SMURF2: variants seen among roughly 807,000 people sequenced by gnomAD.
The protein encoded by SMURF2 is SMAD specific E3 ubiquitin protein ligase 2, also known as E3 ubiquitin-protein ligase SMURF2.
SMURF2 carries 48 observed loss-of-function variants against 109.6 expected under a neutral mutation model. The ratio of observed to expected loss-of-function variants is 0.44; its 90% confidence interval spans 0.35 to 0.56. The LOEUF is 0.56. SMURF2 is among the 20% of genes least tolerant of loss of function. SMURF2 has a pLI of 0.01. For synonymous variants in SMURF2, 288 were observed against 317.1 expected, an observed-to-expected ratio of 0.91 and a Z score of 0.97; for missense variants, 575 against 909.0, an observed-to-expected ratio of 0.63 and a Z score of 4.72.
At chr17:64,602,230 T>C (rs1969908476) in intron 2 of SMURF2, among the ~76,000 whole-genome samples, 1 of 152,044 alleles carries the variant, frequency 6.6e-6, no homozygotes, top group South Asian at 2.1e-4. Context: ...CAGTGTACAC[T>C]GCTTGGGTGA....
intron 1 of SMURF2, among the ~76,000 whole-genome samples, chr17:64,624,468 G>C (rs766962781): frequency 6.7e-6 from 1 of 149,164 alleles, no homozygotes; most frequent in African/African-American, 2.5e-5. Flanking sequence ...CAAGTAGCTG[G>C]GATTACAGGC....
At chr17:64,655,571 C>A (rs1181418060) in intron 1 of SMURF2, among the ~76,000 whole-genome samples, 1 of 151,610 alleles carries the variant, frequency 6.6e-6, no homozygotes, top group Admixed American at 6.6e-5. Context: ...AATGAAACTT[C>A]TTATTAAACT....
intron 1 of SMURF2, among the ~76,000 whole-genome samples, chr17:64,631,259 TGGGGGGGAGAGAGGGG>T (rs1970335829): frequency 3.9e-5 from 1 of 25,974 alleles, no homozygotes; most frequent in Non-Finnish European, 5.8e-5. Flanking sequence ...GGAATGGAGG[TGGGGGGGAGAGAGGGG>T]GGGGGGGAGA....
chr17:64,618,246 A>G (rs1434437175), intron 1 of SMURF2, among the ~76,000 whole-genome samples: 2 of 152,218 alleles, frequency 1.3e-5, no homozygotes, highest in Non-Finnish European at 2.9e-5. Context: ...CAGCCTGGGC[A>G]ATATAGTGAG....
intron 1 of SMURF2, among the ~76,000 whole-genome samples, chr17:64,617,066 A>T (rs555264789): frequency 0.01 from 702 of 67,230 alleles, 7 homozygotes; most frequent in African/African-American, 0.098. Flanking sequence ...GACCTTGTCT[A>T]AAAAAAAAAA....
chr17:64,579,928 G>GT lies in SMURF2; in HGVS notation c.772+860dup, dbSNP rs1555686410. Among the ~76,000 whole-genome samples the GT allele has an allele frequency of 5.9e-5, 9 of 152,268 alleles. No homozygotes were observed. The South Asian group carries it at 1.0e-3, about 18-fold the overall frequency. On this transcript the variant is annotated intron_variant, in intron 8 of 18. Coordinates refer to ENST00000262435, the MANE Select transcript of SMURF2 (RefSeq NM_022739.4). The stretch of plus-strand genomic sequence containing the variant: ...GAGTCATAGCACAGTTAATGGACAA[G>GT]TTTTTTCAAATTAAAGAGCTAAAAT...
chr17:64,600,435 G>A lies in SMURF2; in HGVS notation c.92-1945C>T, dbSNP rs8073193. Reference sequence around the variant, plus strand: ...GCTGAAAATACTAGAACAAAACAGCGTTAAGTGTTGGTGACTGGAGAAATT... The same window carrying A: ...GCTGAAAATACTAGAACAAAACAGCATTAAGTGTTGGTGACTGGAGAAATT... On this transcript the variant is annotated intron_variant, in intron 2 of 18. Coordinates refer to ENST00000262435, the MANE Select transcript of SMURF2 (RefSeq NM_022739.4). Among the ~76,000 whole-genome samples, 448 of 152,250 alleles carry A rather than the reference G, an allele frequency of 2.9e-3. 1 individual carries two copies. Among genetic ancestry groups the A allele is most frequent in the African/African-American group, 0.01 (423 of 41,560 alleles).
chr17:64,592,400 C>G (rs1969762865), intron 4 of SMURF2, among the ~76,000 whole-genome samples: 1 of 152,180 alleles, frequency 6.6e-6, no homozygotes, highest in Non-Finnish European at 1.5e-5. Context: ...CCCAGAAATA[C>G]AAGAATTTCT....
rs1368469952 is a variant in SMURF2, at chr17:64,662,107, A to G, written c.-227T>C. 23 of 1,037,716 alleles carry G rather than the reference A, an allele frequency of 2.2e-5. No homozygotes were observed. The highest frequency in any genetic ancestry group is 2.3e-5 in the Non-Finnish European group (20 of 865,566). 64.3% of individuals were successfully genotyped at this position (1,037,716 alleles called of 1,614,324 possible). A position where few individuals can be genotyped will look rare whatever the true frequency, so the allele number is the denominator to read the frequency against. On this transcript the variant is annotated 5_prime_UTR_variant, in exon 1 of 19. Coordinates refer to ENST00000262435, the MANE Select transcript of SMURF2 (RefSeq NM_022739.4). ...CTCCTTCCTCGGCCCGGGCCGCACAACAAAGCGGCAGCCGCGGCCGCCCGC... is the reference window on the plus strand; with the variant it reads ...CTCCTTCCTCGGCCCGGGCCGCACAGCAAAGCGGCAGCCGCGGCCGCCCGC...
At chr17:64,571,513 C>T (rs1470212470) in intron 10 of SMURF2, among the ~76,000 whole-genome samples, 1 of 151,730 alleles carries the variant, frequency 6.6e-6, no homozygotes, top group Non-Finnish European at 1.5e-5. Context: ...TCAGGCGATT[C>T]TCCTGCCTCA....
At chr17:64,582,841 C>T (rs574268874) in intron 7 of SMURF2, among the ~76,000 whole-genome samples, 3 of 152,094 alleles carry the variant, frequency 2.0e-5, no homozygotes, top group East Asian at 3.9e-4. Flanking sequence ...TCAAGTGATC[C>T]GCCCACCTTG....
At chr17:64,555,398 T>C (rs1401259747) in intron 14 of SMURF2, among the ~76,000 whole-genome samples, 3 of 152,210 alleles carry the variant, frequency 2.0e-5, no homozygotes, top group Non-Finnish European at 4.4e-5. Context: ...CACAAAATAA[T>C]GACCTCTTGC....
rs1184049308 is a variant in SMURF2, at chr17:64,547,055, A to G, written c.2071+545T>C. Among the ~76,000 whole-genome samples the G allele has an allele frequency of 1.3e-5, 2 of 152,242 alleles. No individual in the cohort carries two copies. The highest frequency in any genetic ancestry group is 1.5e-5 in the Non-Finnish European group (1 of 68,038). ...CAGTGAAGCACCACAATCATTAGCA[A>G]TATTACCAGCTCCTCCCAAAATTAA... On this transcript the variant is annotated intron_variant, in intron 17 of 18. Transcript: ENST00000262435. The surrounding 1 kb of genome is among the most constrained non-coding windows in gnomAD (Gnocchi z 4.2).
At chr17:64,634,075 A>C (rs1970383110) in intron 1 of SMURF2, among the ~76,000 whole-genome samples, 1 of 152,072 alleles carries the variant, frequency 6.6e-6, no homozygotes, top group Non-Finnish European at 1.5e-5. Flanking sequence ...AATAGCTTGA[A>C]CCCAGAAGCT....
chr17:64,622,964 T>C (rs781900105), intron 1 of SMURF2, among the ~76,000 whole-genome samples: 1 of 152,244 alleles, frequency 6.6e-6, no homozygotes, highest in Non-Finnish European at 1.5e-5. Context: ...TTTTGTACTT[T>C]GGGTTATAAT....
chr17:64,654,036 C>T (rs546823321), intron 1 of SMURF2, among the ~76,000 whole-genome samples: 1 of 151,888 alleles, frequency 6.6e-6, no homozygotes, highest in African/African-American at 2.4e-5. Flanking sequence ...TTATAGTGAC[C>T]GAAAACAGAT....
intron 1 of SMURF2, among the ~76,000 whole-genome samples, chr17:64,661,021 G>A (rs940936947): frequency 5.3e-5 from 8 of 152,072 alleles, no homozygotes; most frequent in Non-Finnish European, 1.0e-4. Context: ...GGAGGGTGGG[G>A]AGAGTAACAG....
intron 1 of SMURF2, among the ~76,000 whole-genome samples, chr17:64,617,561 G>A (rs1970143265): frequency 6.6e-6 from 1 of 152,042 alleles, no homozygotes; most frequent in Admixed American, 6.6e-5. Context: ...ACTCACTGCA[G>A]ACTCCAGTTA....
At chr17:64,551,440 T>A in intron 16 of SMURF2, 144 bp downstream of exon 16, 1 of 877,646 alleles carries the variant, frequency 1.1e-6, no homozygotes, top group Non-Finnish European at 1.7e-6. Flanking sequence ...CATGAAAGAC[T>A]TTTCCTGTGA....
Sources: gnomAD v4.1 joint callset for allele counts (sites outside exome capture counted in the v4.1 genomes callset) on GRCh38, gnomAD v4.1.1 for gene constraint, Gnocchi (gnomAD v3.1) non-coding constraint, MANE v1.5 for transcripts, NCBI Gene and HGNC (gene_info 2026-07-23, HGNC 2026-07-21) for gene names.